The following BRINP1 variants were observed in gnomAD, a reference collection of about 807,000 sequenced individuals.
BRINP1 encodes BMP/retinoic acid-inducible neural-specific protein 1.
A neutral mutation model predicts 72.9 loss-of-function variants in BRINP1; 17 were observed. The ratio of observed to expected loss-of-function variants is 0.23; its 90% CI spans 0.16 to 0.35. The LOEUF (loss-of-function observed/expected upper bound fraction) is 0.35, where lower values mean the gene tolerates loss of function less well. BRINP1 is among the 10% of genes least tolerant of loss of function. The pLI, the probability that BRINP1 is intolerant of heterozygous loss-of-function variation, is 1.00. For missense variants in BRINP1, 850 were observed against 1,001.6 expected (o/e 0.85, Z 2.04); for synonymous variants, 418 against 378.5 (o/e 1.10, Z -1.21).
chr9:119,179,424 T>A (rs1477234795), intron 7 of BRINP1, among the ~76,000 whole-genome samples: 1 of 152,154 alleles, frequency 6.6e-6, no homozygotes, highest in Non-Finnish European at 1.5e-5. Context: ...TGGAGCCTGA[T>A]TGATTGATAG....
Position 119,213,677 on chromosome 9 carries a change from C to G in BRINP1, c.922+242G>C, listed in dbSNP as rs981261946. ...ATTTATTCTTTCTGTCTTCTGGGTA[C>G]GACAGAAACAATACATCATATGACC... On this transcript the variant is annotated intron_variant, in intron 6 of 7. Transcript: ENST00000265922. 2.4e-5 allele frequency: 14 copies of G among 594,032 alleles called. No homozygotes were observed. The Admixed American group carries it at 3.7e-4, about 16-fold the overall frequency. The allele number at this position is 594,032 out of a possible 1,614,324, so 36.8% of individuals were successfully genotyped here. A position where few individuals can be genotyped will look rare whatever the true frequency, so the allele number is the denominator to read the frequency against.
intron 1 of BRINP1, among the ~76,000 whole-genome samples, chr9:119,321,549 G>A (rs938778183): frequency 1.3e-5 from 2 of 151,916 alleles, no homozygotes; most frequent in East Asian, 1.9e-4. Context: ...CTGGAGTGCC[G>A]TGGCACAAAT....
chr9:119,175,018 G>C (rs942401484), intron 7 of BRINP1, among the ~76,000 whole-genome samples: 1 of 148,490 alleles, frequency 6.7e-6, no homozygotes, highest in Non-Finnish European at 1.5e-5. Flanking sequence ...CCTAATGCTA[G>C]ATGACGAGTT....
chr9:119,353,142 A>T (rs1393157209), intron 1 of BRINP1, among the ~76,000 whole-genome samples: 1 of 152,216 alleles, frequency 6.6e-6, no homozygotes. Context: ...CACCGAGGCA[A>T]GCCTCAGCTA....
At chr9:119,185,867 C>T (rs1459555715) in intron 7 of BRINP1, among the ~76,000 whole-genome samples, 1 of 152,198 alleles carries the variant, frequency 6.6e-6, no homozygotes, top group Non-Finnish European at 1.5e-5. Context: ...CCTGCTACTG[C>T]ACTGTGACAT....
intron 1 of BRINP1, among the ~76,000 whole-genome samples, chr9:119,338,732 A>AT (rs71382950): frequency 1.4e-5 from 2 of 144,310 alleles, no homozygotes; most frequent in South Asian, 2.3e-4. Flanking sequence ...AAAAAAAAAA[A>AT]GAAGAAGAAG....
At chr9:119,230,560 C>T (rs1478411250) in intron 5 of BRINP1, among the ~76,000 whole-genome samples, 1 of 151,670 alleles carries the variant, frequency 6.6e-6, no homozygotes, top group Non-Finnish European at 1.5e-5. Context: ...AGAGATGGGC[C>T]ACATTCAATA....
chr9:119,251,660 A>T (rs1325071679), intron 2 of BRINP1, among the ~76,000 whole-genome samples: 4 of 73,412 alleles, frequency 5.4e-5, no homozygotes, highest in Non-Finnish European at 1.4e-4. Flanking sequence ...GTGAGCAGGG[A>T]TACAGAAAAC....
intron 7 of BRINP1, among the ~76,000 whole-genome samples, chr9:119,185,045 G>A (rs965389775): frequency 6.6e-6 from 1 of 152,086 alleles, no homozygotes; most frequent in Non-Finnish European, 1.5e-5. Flanking sequence ...GTCAGATGAT[G>A]AATGGAGTTT....
chr9:119,345,220 C>A (rs528989205), intron 1 of BRINP1, among the ~76,000 whole-genome samples: 2 of 152,290 alleles, frequency 1.3e-5, no homozygotes, highest in African/African-American at 4.8e-5. Flanking sequence ...AGACCCTGAA[C>A]AACATCATTC....
intron 2 of BRINP1, among the ~76,000 whole-genome samples, chr9:119,250,365 T>C (rs7027123): frequency 0.5 from 76,249 of 151,950 alleles, 20,107 homozygotes; most frequent in East Asian, 0.82. Context: ...TTGCCTTCAC[T>C]AATAACAGAG....
intron 1 of BRINP1, among the ~76,000 whole-genome samples, chr9:119,315,101 T>C (rs557561525): frequency 6.6e-6 from 1 of 152,318 alleles, no homozygotes; most frequent in African/African-American, 2.4e-5. Flanking sequence ...CTATAGTTGC[T>C]CATTTTCTGT....
intron 5 of BRINP1, among the ~76,000 whole-genome samples, chr9:119,230,706 GGAA>G (rs1458096212): frequency 6.6e-6 from 1 of 151,816 alleles, no homozygotes; most frequent in Non-Finnish European, 1.5e-5. Context: ...GAAGAAGATG[GGAA>G]GAAGAAGAAA....
chr9:119,195,768 A>G (rs916474803), intron 7 of BRINP1, among the ~76,000 whole-genome samples: 1 of 152,200 alleles, frequency 6.6e-6, no homozygotes, highest in Non-Finnish European at 1.5e-5. Flanking sequence ...TTAGAAACTC[A>G]ACTCAAAGAA....
At chr9:119,251,288 C>A (rs941634312) in intron 2 of BRINP1, among the ~76,000 whole-genome samples, 3 of 152,178 alleles carry the variant, frequency 2.0e-5, no homozygotes, top group African/African-American at 7.2e-5. Flanking sequence ...TTAAGAAGCT[C>A]ACAGTCTGGA....
chr9:119,174,373 T>C (rs377274716), intron 7 of BRINP1, among the ~76,000 whole-genome samples: 2 of 150,100 alleles, frequency 1.3e-5, no homozygotes, highest in Non-Finnish European at 3.0e-5. Flanking sequence ...AAAATGCTCA[T>C]CATCACTGGC....
At chr9:119,295,716 G>A (rs954024243) in intron 2 of BRINP1, among the ~76,000 whole-genome samples, 3 of 152,098 alleles carry the variant, frequency 2.0e-5, no homozygotes, top group African/African-American at 7.2e-5. Context: ...ACAGAATAGA[G>A]AGACCAGAAA....
chr9:119,243,901 G>A (rs1292072291), intron 3 of BRINP1, among the ~76,000 whole-genome samples: 2 of 152,118 alleles, frequency 1.3e-5, no homozygotes, highest in African/African-American at 2.4e-5. Context: ...AGAATGCAAC[G>A]CAGACCAGAG....
intron 1 of BRINP1, among the ~76,000 whole-genome samples, chr9:119,321,102 T>C (rs1831181951): frequency 6.6e-6 from 1 of 152,098 alleles, no homozygotes; most frequent in African/African-American, 2.4e-5. Context: ...GGCTAATTTT[T>C]TGGTACTTTT....
Sources: allele counts gnomAD v4.1 joint callset (sites outside exome capture counted in the v4.1 genomes callset), GRCh38; gene constraint gnomAD v4.1.1; transcripts MANE v1.5; gene names NCBI Gene and HGNC (gene_info 2026-07-23, HGNC 2026-07-21).